Variants in C10orf53 observed in about 807,000 individuals in gnomAD.
C10orf53 encodes the protein UPF0728 protein C10orf53.
Under a neutral mutation model 9.4 loss-of-function variants are expected in C10orf53, and 8 were observed. That is an observed-to-expected ratio of 0.85 (90% CI 0.50 to 1.53). The LOEUF (loss-of-function observed/expected upper bound fraction) is 1.53, where lower values mean the gene tolerates loss of function less well. Among genes scored for constraint, C10orf53 ranks in the 40% most tolerant of loss-of-function variants. The pLI is 0.00. For missense variants in C10orf53, 117 were observed against 117.8 expected (o/e 0.99, Z 0.03); for synonymous variants, 48 against 46.0 (o/e 1.04, Z -0.18).
At chr10:49,701,216 TCC>T (rs1177645965), downstream of C10orf53, among the ~76,000 whole-genome samples, 1 of 151,956 alleles carries the variant, frequency 6.6e-6, no homozygotes, top group African/African-American at 2.4e-5. Context: ...AGGGCACAGC[TCC>T]CTAAGGGTGT....
At chr10:49,706,904 C>T (rs79593538) in intron 2 of C10orf53, among the ~76,000 whole-genome samples, 2,366 of 152,308 alleles carry the variant, frequency 0.016, 57 homozygotes, top group African/African-American at 0.053. Flanking sequence ...TGTGCATACT[C>T]ATTTGCACAA....
intron 2 of C10orf53, among the ~76,000 whole-genome samples, chr10:49,704,838 G>A (rs7916489): frequency 0.46 from 69,310 of 152,144 alleles, 16,203 homozygotes; most frequent in Middle Eastern, 0.5. Flanking sequence ...GTGCTTGATA[G>A]AGGCAGAGTA....
chr10:49,705,406 A>G (rs1349916160), intron 2 of C10orf53, among the ~76,000 whole-genome samples: 1 of 152,212 alleles, frequency 6.6e-6, no homozygotes. Flanking sequence ...AGGCAGTTGT[A>G]TTTAGATTGA....
At chr10:49,688,156 GC>G (rs1487572347) in intron 1 of C10orf53, among the ~76,000 whole-genome samples, 1 of 151,990 alleles carries the variant, frequency 6.6e-6, no homozygotes, top group African/African-American at 2.4e-5. Flanking sequence ...CAAATTTCCA[GC>G]TAGACCCCTA....
intron 1 of C10orf53, among the ~76,000 whole-genome samples, chr10:49,684,757 A>G (rs1361972084): frequency 6.6e-6 from 1 of 152,212 alleles, no homozygotes; most frequent in Non-Finnish European, 1.5e-5. Flanking sequence ...ACATTTTTTT[A>G]AGAACACTAG....
At chr10:49,698,289 A>G (rs913335061), downstream of C10orf53, among the ~76,000 whole-genome samples, 1 of 152,134 alleles carries the variant, frequency 6.6e-6, no homozygotes, top group African/African-American at 2.4e-5. Context: ...CCCTGTCTCA[A>G]CAAAAAAACA....
intron 2 of C10orf53, chr10:49,694,228 G>A (rs1840612836): frequency 5.2e-6 from 3 of 575,572 alleles, no homozygotes; most frequent in Non-Finnish European, 6.0e-6. Flanking sequence ...TGCTTTCGAA[G>A]CTGCTTTTTT....
exon 3 of C10orf53, chr10:49,708,768 C>T: frequency 1.8e-6 from 2 of 1,111,476 alleles, no homozygotes; most frequent in Non-Finnish European, 2.5e-6. Flanking sequence ...GTCCCACAGG[C>T]AACCTGTGGC....
intron 1 of C10orf53, among the ~76,000 whole-genome samples, chr10:49,684,386 C>T (rs1257625941): frequency 6.6e-6 from 1 of 152,140 alleles, no homozygotes; most frequent in Admixed American, 6.5e-5. Context: ...TTTTCCACTT[C>T]TGCAAAAAAC....
downstream of C10orf53, among the ~76,000 whole-genome samples, chr10:49,698,904 C>T (rs898602558): frequency 4.6e-5 from 7 of 152,224 alleles, no homozygotes; most frequent in East Asian, 5.8e-4. Flanking sequence ...GGGTGGACAG[C>T]GTAGTGAGTG....
At position 49,696,476 on chromosome 10, in the gene C10orf53, G is replaced by A. The variant is rs74668043; in HGVS notation, c.*1874G>A. Among the ~76,000 whole-genome samples the A allele has an allele frequency of 5.8e-3, 880 of 152,232 alleles. 9 individuals are homozygous for A. Among genetic ancestry groups the A allele is most frequent in the African/African-American group, 0.02 (849 of 41,542 alleles). On this transcript the variant is annotated 3_prime_UTR_variant, in exon 3 of 3. Coordinates refer to ENST00000374111, the MANE Select transcript of C10orf53 (RefSeq NM_001042427.3). ...TAAACTGGTAACAAGTGCTTCCCTC[G>A]GCAGCCCCATGCCCTCCTCCAGCAT...
At chr10:49,684,015 G>A (rs905843746) in intron 1 of C10orf53, among the ~76,000 whole-genome samples, 1 of 152,136 alleles carries the variant, frequency 6.6e-6, no homozygotes, top group South Asian at 2.1e-4. Context: ...GTTAATTTTT[G>A]TATATGGTGT....
chr10:49,707,040 G>T (rs2132893831), intron 2 of C10orf53, among the ~76,000 whole-genome samples: 1 of 151,828 alleles, frequency 6.6e-6, no homozygotes, highest in Non-Finnish European at 1.5e-5. Flanking sequence ...ATGAGCACAT[G>T]CTACTTTGTT....
chr10:49,702,644 G>A (rs1179524686), intron 2 of C10orf53, among the ~76,000 whole-genome samples: 1 of 152,196 alleles, frequency 6.6e-6, no homozygotes, highest in African/African-American at 2.4e-5. Flanking sequence ...TGGGTCTCCA[G>A]CTTTCAGCCA....
chr10:49,679,712 A>C lies in C10orf53; in HGVS notation c.15A>C (p.Ala5=). MPKN[A]VVILRYGPYS... ...GAGGCCTGGCGATGCCCAAGAACGC[A>C]GTGGTCATCCTGCGCTATGGGCCCT... is the stretch of plus-strand genomic sequence containing the variant. The change falls in exon 1 of 3, where the codon GCA becomes GCC. Residue 5 remains alanine, a synonymous_variant. Transcript: ENST00000374111. 1.9e-6 allele frequency: 3 copies of C among 1,548,056 alleles called. No homozygotes were observed. Among genetic ancestry groups the C allele is most frequent in the Non-Finnish European group, 2.6e-6 (3 of 1,145,842 alleles).
chr10:49,708,456 T>C (rs1329598429), exon 3 of C10orf53: 9 of 1,614,032 alleles, frequency 5.6e-6, no homozygotes, highest in African/African-American at 2.7e-5. Flanking sequence ...AGTTTCTCCT[T>C]TGCAACAGTT....
At chr10:49,688,947 G>A (rs1416649802) in intron 1 of C10orf53, among the ~76,000 whole-genome samples, 2 of 152,126 alleles carry the variant, frequency 1.3e-5, no homozygotes, top group Non-Finnish European at 1.5e-5. Flanking sequence ...ACCTCAGCAC[G>A]CACTCACCTG....
downstream of C10orf53, among the ~76,000 whole-genome samples, chr10:49,701,966 C>T (rs1364397613): frequency 6.6e-6 from 1 of 152,090 alleles, no homozygotes; most frequent in Admixed American, 6.6e-5. Context: ...CTTTGGGAGG[C>T]CGAGGTGGGT....
downstream of C10orf53, among the ~76,000 whole-genome samples, chr10:49,702,395 T>C (rs1331866937): frequency 6.6e-6 from 1 of 152,148 alleles, no homozygotes; most frequent in Non-Finnish European, 1.5e-5. Flanking sequence ...GATTACCATT[T>C]GAATCACTAG....
Sources: gnomAD v4.1 joint callset for allele counts (sites outside exome capture counted in the v4.1 genomes callset) on GRCh38, gnomAD v4.1.1 for gene constraint, MANE v1.5 for transcripts, NCBI Gene and HGNC (gene_info 2026-07-23, HGNC 2026-07-21) for gene names.